Variants in GRAMD1C observed in about 807,000 individuals in gnomAD.
GRAMD1C encodes protein Aster-C.
A neutral mutation model predicts 97.8 loss-of-function variants in GRAMD1C; 89 were observed. That is an observed-to-expected ratio of 0.91 (90% CI 0.77 to 1.09). GRAMD1C has a LOEUF of 1.09. GRAMD1C is among the 50% of genes least tolerant of loss of function. The probability of loss-of-function intolerance (pLI) is 0.00; values close to 1 mark genes in which losing one functional copy is unlikely to be tolerated. For synonymous variants in GRAMD1C, 256 were observed against 267.0 expected (o/e 0.96, Z 0.40); for missense variants, 740 against 766.4 (o/e 0.97, Z 0.41).
chr3:113,836,713 G>A (rs975062078), upstream of GRAMD1C, among the ~76,000 whole-genome samples: 3 of 151,556 alleles, frequency 2.0e-5, no homozygotes, highest in African/African-American at 4.8e-5. Context: ...GCCTGATCTC[G>A]GCTCCCTGCA....
In GRAMD1C at chr3:113,897,118, CA is replaced by C. The variant is rs1935979338; in HGVS notation, c.541-3912del. ...CTGCTATTTCCTTACGTTACATTTACAGCACTCAGAGATAGAATCTTTGGTT... is the reference window on the plus strand; with the variant it reads ...CTGCTATTTCCTTACGTTACATTTACGCACTCAGAGATAGAATCTTTGGTT... On this transcript the variant is annotated intron_variant, in intron 6 of 17. Coordinates refer to ENST00000358160, the MANE Select transcript of GRAMD1C (RefSeq NM_017577.5). Among the ~76,000 whole-genome samples, 10 of 152,252 alleles carry C rather than the reference CA, an allele frequency of 6.6e-5. No homozygotes were observed. The South Asian group carries it at 2.1e-3, about 32-fold the overall frequency.
intron 2 of GRAMD1C, among the ~76,000 whole-genome samples, chr3:113,858,951 T>G (rs1399676317): frequency 6.6e-6 from 1 of 152,202 alleles, no homozygotes; most frequent in Non-Finnish European, 1.5e-5. Context: ...TTCCTGATAT[T>G]GGTAGTTTGT....
In GRAMD1C at chr3:113,908,977, C is replaced by A; in HGVS notation, c.809C>A (p.Ser270Tyr). The part of the protein sequence containing the change: ...SSKGGLGKEE[S>Y]QNEKQTKKSL... Reference sequence around the variant, plus strand: ...TTTTAGGGATTAGGCAAAGAGGAGTCCCAAAATGAGAAACAGACCAAAAAG... The same window carrying A: ...TTTTAGGGATTAGGCAAAGAGGAGTACCAAAATGAGAAACAGACCAAAAAG... The change falls in exon 9 of 18, where the codon TCC (serine) becomes TAC (tyrosine). Residue 270 changes from serine (S) to tyrosine (Y), a missense_variant. Ser to Tyr is a moderately radical substitution (Grantham distance 144). Transcript: ENST00000358160. The A allele has an allele frequency of 1.3e-6, 2 of 1,573,354 alleles. No homozygotes were observed. Among genetic ancestry groups the A allele is most frequent in the Admixed American group, 2.0e-5 (1 of 49,632 alleles).
At chr3:113,945,152 T>C (rs1938006926) in intron 17 of GRAMD1C, among the ~76,000 whole-genome samples, 1 of 152,186 alleles carries the variant, frequency 6.6e-6, no homozygotes, top group African/African-American at 2.4e-5. Flanking sequence ...TTAATGGACC[T>C]ATTGGGAGGT....
intron 9 of GRAMD1C, among the ~76,000 whole-genome samples, chr3:113,911,173 G>GACACACACAC (rs60151773): frequency 1.2e-3 from 178 of 147,504 alleles, no homozygotes; most frequent in South Asian, 4.8e-3. Flanking sequence ...CAGAGAGAGA[G>GACACACACAC]ACACACACAC....
At chr3:113,851,233 G>A (rs1933890544) in intron 2 of GRAMD1C, among the ~76,000 whole-genome samples, 1 of 151,992 alleles carries the variant, frequency 6.6e-6, no homozygotes, top group Admixed American at 6.6e-5. Context: ...TTGAATAATT[G>A]TTTATTTGAA....
At chr3:113,940,857 A>G (rs1044944382) in intron 17 of GRAMD1C, among the ~76,000 whole-genome samples, 3 of 152,230 alleles carry the variant, frequency 2.0e-5, no homozygotes, top group Admixed American at 6.5e-5. Flanking sequence ...TATTTTTACC[A>G]CTATTGCCAA....
chr3:113,934,431 G>A lies in GRAMD1C; in HGVS notation c.1353-1G>A, dbSNP rs139620995. The A allele has an allele frequency of 6.8e-5, 93 of 1,366,908 alleles. No homozygotes were observed. The highest frequency in any genetic ancestry group is 9.3e-5 in the Non-Finnish European group (90 of 972,022). 84.7% of individuals were successfully genotyped at this position (1,366,908 alleles called of 1,614,324 possible). The stretch of plus-strand genomic sequence containing the variant: ...ATATTCTTTCCTTCTTATTCTACTA[G>A]AGTTTCCACAGATTTGAAATACAGA... On this transcript the variant is annotated splice_acceptor_variant, in intron 12 of 17. Transcript: ENST00000358160. LOFTEE classifies it high-confidence loss of function.
chr3:113,911,748 G>C (rs1936602872), intron 9 of GRAMD1C, among the ~76,000 whole-genome samples: 1 of 28,216 alleles, frequency 3.5e-5, no homozygotes. Context: ...TTTCTTTCCT[G>C]ACAGAGTCTT....
intron 10 of GRAMD1C, chr3:113,919,944 A>G: frequency 1.5e-6 from 1 of 662,690 alleles, no homozygotes; most frequent in Non-Finnish European, 2.9e-6. Flanking sequence ...CACCAGTAAA[A>G]GGTGAATCAA....
intron 2 of GRAMD1C, among the ~76,000 whole-genome samples, chr3:113,848,293 A>G (rs754747249): frequency 2.6e-5 from 4 of 152,178 alleles, no homozygotes; most frequent in Non-Finnish European, 5.9e-5. Flanking sequence ...GGGTCATGGT[A>G]TTACAACACT....
Position 113,933,557 on chromosome 3 carries a change from C to T in GRAMD1C, c.1256C>T (p.Ser419Leu), listed in dbSNP as rs748595895. ...SREARFYLVD[S>L]EVLTHDVPYH... The stretch of plus-strand genomic sequence containing the variant: ...GAAGCACGATTTTATTTGGTAGATT[C>T]AGAAGTACTGACACATGATGTCCCC... The change falls in exon 12 of 18, where the codon TCA becomes TTA. Residue 419 changes from serine to leucine, a missense_variant. By Grantham distance (145) the Ser-to-Leu change is moderately radical. Coordinates refer to ENST00000358160, the MANE Select transcript of GRAMD1C (RefSeq NM_017577.5). 6.2e-7 allele frequency: 1 copy of T among 1,607,000 alleles called. No homozygotes were observed. The highest frequency in any genetic ancestry group is 2.2e-5 in the East Asian group (1 of 44,840).
At chr3:113,850,999 T>A (rs1454069567) in intron 2 of GRAMD1C, among the ~76,000 whole-genome samples, 1 of 152,030 alleles carries the variant, frequency 6.6e-6, no homozygotes, top group African/African-American at 2.4e-5. Flanking sequence ...AGACAGGGTT[T>A]CACCATGTTA....
intron 6 of GRAMD1C, among the ~76,000 whole-genome samples, chr3:113,893,614 G>C (rs1187335893): frequency 6.6e-6 from 1 of 152,156 alleles, no homozygotes; most frequent in Non-Finnish European, 1.5e-5. Context: ...CTTGTTCACT[G>C]TTGTATGTCC....
chr3:113,840,021 C>T (rs1466338995), intron 1 of GRAMD1C, among the ~76,000 whole-genome samples: 1 of 152,110 alleles, frequency 6.6e-6, no homozygotes, highest in African/African-American at 2.4e-5. Context: ...GGTTGGAGTG[C>T]AGTGGCGCAA....
intron 9 of GRAMD1C, among the ~76,000 whole-genome samples, chr3:113,913,717 G>A (rs1260039961): frequency 3.3e-5 from 5 of 152,056 alleles, no homozygotes; most frequent in African/African-American, 1.2e-4. Flanking sequence ...CAAATCAAGC[G>A]CTCCTACTGG....
chr3:113,843,142 A>G (rs904363434), intron 1 of GRAMD1C, among the ~76,000 whole-genome samples: 4 of 139,248 alleles, frequency 2.9e-5, no homozygotes, highest in Non-Finnish European at 3.0e-5. Flanking sequence ...TAGCTTGATC[A>G]TGGCTTACTA....
intron 2 of GRAMD1C, among the ~76,000 whole-genome samples, chr3:113,868,942 A>G (rs1459215028): frequency 6.6e-6 from 1 of 151,880 alleles, no homozygotes; most frequent in Non-Finnish European, 1.5e-5. Flanking sequence ...TGCTTGCTCC[A>G]ATTGGTACTG....
intron 2 of GRAMD1C, among the ~76,000 whole-genome samples, chr3:113,858,917 G>A (rs527585828): frequency 6.6e-6 from 1 of 152,254 alleles, no homozygotes; most frequent in Non-Finnish European, 1.5e-5. Flanking sequence ...GTTCTGTAGA[G>A]TCTACAGTGC....
Sources: gnomAD v4.1 joint callset for allele counts (sites outside exome capture counted in the v4.1 genomes callset) on GRCh38, gnomAD v4.1.1 for gene constraint, MANE v1.5 for transcripts, NCBI Gene and HGNC (gene_info 2026-07-23, HGNC 2026-07-21) for gene names.